Variants in PAIP2 observed in about 807,000 individuals in gnomAD.
PAIP2 encodes polyadenylate-binding protein-interacting protein 2.
Under a neutral mutation model 14.8 loss-of-function variants are expected in PAIP2, and 7 were observed. The observed-to-expected ratio is 0.47, with a 90% CI of 0.27 to 0.89. The LOEUF (loss-of-function observed/expected upper bound fraction) is 0.89. Among genes scored for constraint, PAIP2 ranks in the 40% least tolerant of loss-of-function variants. PAIP2 has a pLI of 0.13. For synonymous variants in PAIP2, 47 were observed against 45.3 expected (o/e 1.04, Z -0.15); for missense variants, 122 against 154.7 (o/e 0.79, Z 1.12).
chr5:139,353,316 G>A (rs778781757), intron 1 of PAIP2, among the ~76,000 whole-genome samples: 1 of 151,890 alleles, frequency 6.6e-6, no homozygotes, highest in Non-Finnish European at 1.5e-5. Context: ...TTTTTGTTCT[G>A]GAGAAAAGCA....
chr5:139,355,555 C>G (rs939021924), intron 1 of PAIP2, among the ~76,000 whole-genome samples: 4 of 152,116 alleles, frequency 2.6e-5, no homozygotes, highest in African/African-American at 9.7e-5. Flanking sequence ...TCCTTTAGCT[C>G]TTTTAACATA....
intron 1 of PAIP2, among the ~76,000 whole-genome samples, chr5:139,355,645 A>G (rs1756885592): frequency 6.6e-6 from 1 of 152,096 alleles, no homozygotes; most frequent in Admixed American, 6.5e-5. Flanking sequence ...ACCTGAGGTC[A>G]GGAGTTCGAG....
chr5:139,355,551 A>G (rs1756883243), intron 1 of PAIP2, among the ~76,000 whole-genome samples: 1 of 151,416 alleles, frequency 6.6e-6, no homozygotes, highest in Admixed American at 6.6e-5. Context: ...GGTTTCCTTT[A>G]GCTCTTTTAA....
chr5:139,344,481 T>C (rs1481637633), intron 1 of PAIP2, among the ~76,000 whole-genome samples: 2 of 152,162 alleles, frequency 1.3e-5, no homozygotes, highest in African/African-American at 4.8e-5. Flanking sequence ...ATTTTTTCAT[T>C]GTTTAGAGTG....
intron 3 of PAIP2, among the ~76,000 whole-genome samples, chr5:139,366,078 C>T (rs1267467978): frequency 6.6e-6 from 1 of 151,878 alleles, no homozygotes; most frequent in Non-Finnish European, 1.5e-5. Flanking sequence ...TGGTGCGTGC[C>T]TGTAATCCCA....
At chr5:139,342,439 A>T (rs1248842732) in intron 1 of PAIP2, 2 of 151,698 alleles carry the variant, frequency 1.3e-5, no homozygotes, top group Non-Finnish European at 2.9e-5. Context: ...GCCTCAGCCG[A>T]GGCTGGGGTT....
chr5:139,348,997 T>C (rs1337374786), intron 1 of PAIP2, among the ~76,000 whole-genome samples: 1 of 152,126 alleles, frequency 6.6e-6, no homozygotes, highest in African/African-American at 2.4e-5. Flanking sequence ...TTTAGTAAAA[T>C]ATAAATGGAT....
chr5:139,359,113 C>G (rs1321273162), intron 1 of PAIP2, among the ~76,000 whole-genome samples: 1 of 151,972 alleles, frequency 6.6e-6, no homozygotes, highest in Non-Finnish European at 1.5e-5. Context: ...TATCTGGGAC[C>G]ACAGGCGTGC....
chr5:139,357,012 T>C (rs896710061), intron 1 of PAIP2, among the ~76,000 whole-genome samples: 2 of 152,232 alleles, frequency 1.3e-5, no homozygotes, highest in Non-Finnish European at 2.9e-5. Context: ...TGAAAGAGTT[T>C]AGTAAAATTT....
chr5:139,365,141 T>TTAAA (rs61568007), intron 3 of PAIP2: 1,610 of 141,698 alleles, frequency 0.011, 12 homozygotes, highest in East Asian at 0.026. Context: ...TGAAACTCTA[T>TTAAA]TAAATAAATA....
At chr5:139,347,593 A>T (rs1756591644) in intron 1 of PAIP2, among the ~76,000 whole-genome samples, 1 of 152,098 alleles carries the variant, frequency 6.6e-6, no homozygotes, top group Non-Finnish European at 1.5e-5. Flanking sequence ...TTTTATTCAA[A>T]CATGAAGGCA....
At chr5:139,355,079 A>G (rs1561960192) in intron 1 of PAIP2, among the ~76,000 whole-genome samples, 1 of 151,166 alleles carries the variant, frequency 6.6e-6, no homozygotes, top group Non-Finnish European at 1.5e-5. Flanking sequence ...CAGCCTTCCA[A>G]AGTCCCAAAG....
At chr5:139,360,195 G>A (rs1300914370) in intron 1 of PAIP2, among the ~76,000 whole-genome samples, 1 of 151,928 alleles carries the variant, frequency 6.6e-6, no homozygotes, top group East Asian at 2.0e-4. Flanking sequence ...TCGAACTCCC[G>A]ATCTCGTGAT....
At chr5:139,364,794 G>A (rs897663841) in intron 3 of PAIP2, 51 bp downstream of exon 3, 7 of 1,225,654 alleles carry the variant, frequency 5.7e-6, no homozygotes, top group Non-Finnish European at 7.1e-6. Flanking sequence ...TTTTGCATAA[G>A]TGGAAAAGCC....
intron 1 of PAIP2, among the ~76,000 whole-genome samples, chr5:139,348,678 C>CTTTTT (rs761015051): frequency 7.8e-6 from 1 of 127,530 alleles, no homozygotes; most frequent in African/African-American, 2.9e-5. Context: ...ATCTTTGTAT[C>CTTTTT]TTTTTTTTTT....
intron 1 of PAIP2, among the ~76,000 whole-genome samples, chr5:139,353,311 G>T (rs984988192): frequency 6.6e-6 from 1 of 151,834 alleles, no homozygotes; most frequent in Admixed American, 6.6e-5. Context: ...AATTATTTTT[G>T]TTCTGGAGAA....
intron 1 of PAIP2, among the ~76,000 whole-genome samples, chr5:139,350,963 T>A (rs1408256133): frequency 1.3e-5 from 2 of 152,080 alleles, no homozygotes. Flanking sequence ...ATTCAAATGT[T>A]CACATGAACT....
intron 1 of PAIP2, among the ~76,000 whole-genome samples, chr5:139,353,526 T>A (rs1664528426): frequency 6.6e-6 from 1 of 152,114 alleles, no homozygotes; most frequent in Non-Finnish European, 1.5e-5. Context: ...ACAATTCAGT[T>A]TGAGTTAATA....
chr5:139,346,917 C>G (rs565403451), intron 1 of PAIP2, among the ~76,000 whole-genome samples: 1 of 152,304 alleles, frequency 6.6e-6, no homozygotes, highest in Admixed American at 6.5e-5. Flanking sequence ...TCAAGCAGTG[C>G]TCCTGCCTCA....
Sources: gnomAD v4.1 joint callset for allele counts (sites outside exome capture counted in the v4.1 genomes callset) on GRCh38, gnomAD v4.1.1 for gene constraint, MANE v1.5 for transcripts, NCBI Gene and HGNC (gene_info 2026-07-23, HGNC 2026-07-21) for gene names.